The following AMMECR1L variants were observed in gnomAD, a reference collection of about 807,000 sequenced individuals.
AMMECR1L encodes AMMECR1-like protein.
In AMMECR1L, 4 loss-of-function variants were observed where a neutral mutation model predicts 36.8. That is an observed-to-expected ratio of 0.11 (90% CI 0.05 to 0.25). AMMECR1L has a LOEUF of 0.25. Ranked by LOEUF, AMMECR1L falls within the 10% of genes least tolerant of loss-of-function variation. The pLI is 1.00. For synonymous variants in AMMECR1L, 147 were observed against 148.0 expected (o/e 0.99, Z 0.05); for missense variants, 232 against 392.1 (o/e 0.59, Z 3.45).
At chr2:127,868,714 C>T (rs1690817834) in intron 6 of AMMECR1L, among the ~76,000 whole-genome samples, 1 of 151,936 alleles carries the variant, frequency 6.6e-6, no homozygotes, top group South Asian at 2.1e-4. Flanking sequence ...ATCAGAAGAA[C>T]TTATAGGCTA....
At position 127,873,937 on chromosome 2, in the gene AMMECR1L, T is replaced by C. The variant is rs746797560; in HGVS notation, c.298A>G (p.Lys100Glu). The C allele has an allele frequency of 4.3e-6, 7 of 1,614,066 alleles. No individual in the cohort carries two copies. In the East Asian group the frequency reaches 6.7e-5, roughly 15 times the overall value. ...PRPNGTANTTKNLVVTAEMCC... is the reference protein window; with the variant it reads ...PRPNGTANTTENLVVTAEMCC... ...ATCTCTGCAGTCACCACCAGATTCT[T>C]AGTGGTGTTGGCAGTTCCATTAGGC... Residue 100 changes from lysine (K) to glutamate (E), a missense_variant, in exon 3 of 8, where the codon AAG (lysine) becomes GAG (glutamate). By Grantham distance (56) the Lys-to-Glu change is moderately conservative (BLOSUM62 1). Transcript: ENST00000272647. This position sits in a 1 kb window ranked among gnomAD's most constrained non-coding sequence, Gnocchi z 5.2.
chr2:127,881,322 A>G lies in AMMECR1L; in HGVS notation c.-39+2881T>C, dbSNP rs191607874. Among the ~76,000 whole-genome samples, 385 of 150,642 alleles carry G rather than the reference A, an allele frequency of 2.6e-3. 9 individuals are homozygous for G. Among genetic ancestry groups the G allele is most frequent in the African/African-American group, 8.5e-3 (351 of 41,510 alleles). ...TAGTATTTACAAACCAGGTATTGAG[A>G]CTGCTATTGACACAAAGATGTGATG... On this transcript the variant is annotated intron_variant, in intron 2 of 7. Coordinates refer to ENST00000272647, the MANE Select transcript of AMMECR1L (RefSeq NM_001199140.2).
Position 127,877,004 on chromosome 2 carries a change from C to T in AMMECR1L, c.-38-2732G>A, listed in dbSNP as rs1019748471. Among the ~76,000 whole-genome samples the T allele has an allele frequency of 3.5e-5, 5 of 143,416 alleles. 1 individual carries two copies. The highest frequency in any genetic ancestry group is 4.5e-4 in the South Asian group (2 of 4,464). 94.1% of individuals were successfully genotyped at this position (143,416 alleles called of 152,430 possible). Reference sequence around the variant, plus strand: ...TGCACTCCAGCCTGGGCAATAAGAGCGAAACTCTGTCTCCAAATATATATA... The same window carrying T: ...TGCACTCCAGCCTGGGCAATAAGAGTGAAACTCTGTCTCCAAATATATATA... On this transcript the variant is annotated intron_variant, in intron 2 of 7. Coordinates refer to ENST00000272647, the MANE Select transcript of AMMECR1L (RefSeq NM_001199140.2).
chr2:127,885,227 T>C (rs1427644891), intron 1 of AMMECR1L: 1 of 982,642 alleles, frequency 1.0e-6, no homozygotes, highest in Non-Finnish European at 1.2e-6. Flanking sequence ...GTGTGAAGAG[T>C]GTTAAGAAAA....
Position 127,871,676 on chromosome 2 carries a change from G to C in AMMECR1L, c.408-317C>G, listed in dbSNP as rs902310517. Among the ~76,000 whole-genome samples, 1 of 151,924 alleles carries C rather than the reference G, an allele frequency of 6.6e-6. No individual in the cohort carries two copies. Among genetic ancestry groups the C allele is most frequent in the Non-Finnish European group, 1.5e-5 (1 of 68,004 alleles). On this transcript the variant is annotated intron_variant, in intron 3 of 7. Transcript: ENST00000272647. The surrounding 1 kb of genome is among the most constrained non-coding windows in gnomAD (Gnocchi z 4.3). ...CTGCCCAAGACTCAACTTTTCCTTCGAATTCTCCAGTTTCCTCTTCCCTAA... is the reference window on the plus strand; with the variant it reads ...CTGCCCAAGACTCAACTTTTCCTTCCAATTCTCCAGTTTCCTCTTCCCTAA...
chr2:127,883,340 C>G (rs1444284333), intron 2 of AMMECR1L, among the ~76,000 whole-genome samples: 2 of 152,136 alleles, frequency 1.3e-5, no homozygotes, highest in Non-Finnish European at 2.9e-5. Flanking sequence ...CGTTATCCAC[C>G]TGCCTCGGCC....
At position 127,870,835 on chromosome 2, in the gene AMMECR1L, G is replaced by A. The variant is rs749431850; in HGVS notation, c.612C>T (p.Ala204=). 3.7e-6 allele frequency: 6 copies of A among 1,612,360 alleles called. No homozygotes were observed. Among genetic ancestry groups the A allele is most frequent in the Non-Finnish European group, 5.1e-6 (6 of 1,179,426 alleles). ...TCACCTCCCAGTCCAGGTAATCACT[G>A]GCATCCTCAAAGTTAGTAAGGAGGG... The part of the protein sequence containing the change: ...SVSLLTNFED[A]SDYLDWEVGV... The change falls in exon 5 of 8, where the codon GCC becomes GCT. Residue 204 remains alanine, a synonymous_variant. Coordinates refer to ENST00000272647, the MANE Select transcript of AMMECR1L (RefSeq NM_001199140.2).
At chr2:127,885,720 G>C (rs1249759807) in intron 1 of AMMECR1L, 90 bp downstream of exon 1, 1 of 979,944 alleles carries the variant, frequency 1.0e-6, no homozygotes, top group African/African-American at 1.8e-5. Flanking sequence ...GCCCCGGCGA[G>C]AACAGGCCCG....
At position 127,865,296 on chromosome 2, in the gene AMMECR1L, C is replaced by T; in HGVS notation, c.822-91G>A. ...AGAGAAAAACCAAAAGCTTATTCCACATTTTGAAAGAATAAAATGGAAGAC... is the reference window on the plus strand; with the variant it reads ...AGAGAAAAACCAAAAGCTTATTCCATATTTTGAAAGAATAAAATGGAAGAC... On this transcript the variant is annotated intron_variant, in intron 7 of 7. Transcript: ENST00000272647. This position sits in a 1 kb window ranked among gnomAD's most constrained non-coding sequence, Gnocchi z 5.4. 1.3e-6 allele frequency: 1 copy of T among 742,352 alleles called. No individual in the cohort carries two copies. Among genetic ancestry groups the T allele is most frequent in the Non-Finnish European group, 2.1e-6 (1 of 475,912 alleles). 46.0% of individuals were successfully genotyped at this position (742,352 alleles called of 1,614,324 possible).
Position 127,869,550 on chromosome 2 carries a change from G to A in AMMECR1L, c.634-6C>T. 6.2e-7 allele frequency: 1 copy of A among 1,609,892 alleles called. No homozygotes were observed. Among genetic ancestry groups the A allele is most frequent in the Non-Finnish European group, 8.5e-7 (1 of 1,176,396 alleles). ...CGAATCCCATGGACCCCTACCTATA[G>A]AAAAAAGTACAACCAAGTAAATGGC... On this transcript the variant is annotated splice_region_variant and splice_polypyrimidine_tract_variant and intron_variant, in intron 5 of 7. Coordinates refer to ENST00000272647, the MANE Select transcript of AMMECR1L (RefSeq NM_001199140.2). The surrounding 1 kb of genome is among the most constrained non-coding windows in gnomAD (Gnocchi z 4.7).
chr2:127,885,227 T>G (rs1427644891), intron 1 of AMMECR1L: 2 of 982,642 alleles, frequency 2.0e-6, no homozygotes, highest in Non-Finnish European at 2.4e-6. Flanking sequence ...GTGTGAAGAG[T>G]GTTAAGAAAA....
At chr2:127,880,656 A>T (rs1341295750) in intron 2 of AMMECR1L, among the ~76,000 whole-genome samples, 1 of 152,092 alleles carries the variant, frequency 6.6e-6, no homozygotes, top group Non-Finnish European at 1.5e-5. Context: ...TATTTGGAGC[A>T]GCTTACAACT....
In AMMECR1L at chr2:127,871,370, C is replaced by CA; in HGVS notation, c.408-12dup. On this transcript the variant is annotated splice_polypyrimidine_tract_variant and intron_variant, in intron 3 of 7. Coordinates refer to ENST00000272647, the MANE Select transcript of AMMECR1L (RefSeq NM_001199140.2). The surrounding 1 kb of genome is among the most constrained non-coding windows in gnomAD (Gnocchi z 4.3). The stretch of plus-strand genomic sequence containing the variant: ...GTCACAAAGAGCGGACTAAAAAAAG[C>CA]AAAACACAAAACATTCTCCAGCCCC... 2 of 1,610,754 alleles carry CA rather than the reference C, an allele frequency of 1.2e-6. No homozygotes were observed.
chr2:127,885,652 C>A (rs903899524), intron 1 of AMMECR1L, 158 bp downstream of exon 1: 5 of 984,306 alleles, frequency 5.1e-6, no homozygotes, highest in South Asian at 4.7e-5. Context: ...CTCCTCCCCC[C>A]CGCTGCCCCC....
chr2:127,875,050 G>C (rs1178343794), intron 2 of AMMECR1L, among the ~76,000 whole-genome samples: 1 of 152,218 alleles, frequency 6.6e-6, no homozygotes, highest in Non-Finnish European at 1.5e-5. Flanking sequence ...CCCTGTCATA[G>C]CCAGCCAGAC....
intron 7 of AMMECR1L, 119 bp downstream of exon 7, chr2:127,866,781 C>T: frequency 1.0e-6 from 1 of 985,090 alleles, no homozygotes; most frequent in Non-Finnish European, 1.5e-6. Flanking sequence ...TGAACTTCAC[C>T]CACACTTCTT....
Position 127,869,470 on chromosome 2 carries a change from C to T in AMMECR1L, c.708G>A (p.Glu236=). Residue 236 remains glutamate, a synonymous_variant, in exon 6 of 8, where the codon GAG becomes GAA. Transcript: ENST00000272647. The surrounding 1 kb of genome is among the most constrained non-coding windows in gnomAD (Gnocchi z 4.7). ...GVKRTATYLP[E]VAKEQDWDQI... ...CCAACTCACCTTGTTCCTTAGCAAC[C>T]TCAGGTAAATATGTGGCTGTGCGTT... is the stretch of plus-strand genomic sequence containing the variant. 1 of 1,613,530 alleles carries T rather than the reference C, an allele frequency of 6.2e-7. No homozygotes were observed. The highest frequency in any genetic ancestry group is 8.5e-7 in the Non-Finnish European group (1 of 1,179,436).
chr2:127,870,933 AG>A lies in AMMECR1L; in HGVS notation c.519-6del. On this transcript the variant is annotated splice_polypyrimidine_tract_variant and splice_region_variant and intron_variant, in intron 4 of 7. Transcript: ENST00000272647. ...AATCGGCTGTCCTTAAGTGCACTGG[AG>A]GGGGACAGAAAACATAGGTAAGGCT... The A allele has an allele frequency of 6.2e-7, 1 of 1,608,066 alleles. No individual in the cohort carries two copies. Among genetic ancestry groups the A allele is most frequent in the Non-Finnish European group, 8.5e-7 (1 of 1,176,598 alleles).
chr2:127,876,940 T>C (rs537456883), intron 2 of AMMECR1L, among the ~76,000 whole-genome samples: 3 of 151,516 alleles, frequency 2.0e-5, no homozygotes, highest in African/African-American at 7.3e-5. Flanking sequence ...TCACTTGAAC[T>C]CTGGAGGTGG....
Sources: allele counts gnomAD v4.1 joint callset (sites outside exome capture counted in the v4.1 genomes callset), GRCh38; gene constraint gnomAD v4.1.1; non-coding constraint Gnocchi (gnomAD v3.1); transcripts MANE v1.5; gene names NCBI Gene and HGNC (gene_info 2026-07-23, HGNC 2026-07-21).